ATP11C: variants seen among roughly 807,000 people sequenced by gnomAD.
ATP11C encodes the protein ATPase phospholipid transporting 11C (ATP11C blood group).
A neutral mutation model predicts 97.4 loss-of-function variants in ATP11C; 36 were observed. That is an observed-to-expected ratio of 0.37 (90% CI 0.28 to 0.49). ATP11C has a LOEUF of 0.49. ATP11C is among the 20% of genes least tolerant of loss of function. The pLI is 0.98. For synonymous variants in ATP11C, 275 were observed against 290.9 expected, an observed-to-expected ratio of 0.95 and a Z score of 0.56; for missense variants, 730 against 824.6, an observed-to-expected ratio of 0.89 and a Z score of 1.40.
intron 20 of ATP11C, among the ~76,000 whole-genome samples, chrX:139,766,630 G>A (rs370839893): frequency 7.2e-5 from 8 of 111,384 alleles, no homozygotes; most frequent in South Asian, 7.5e-4. Context: ...GTGTGCGCGC[G>A]CACAGTATAT....
At chrX:139,754,476 T>C (rs1015429626) in intron 23 of ATP11C, among the ~76,000 whole-genome samples, 1 of 112,084 alleles carries the variant, frequency 8.9e-6, no homozygotes, top group Non-Finnish European at 1.9e-5. Context: ...GACTCCTCCC[T>C]AAATCATTCT....
intron 1 of ATP11C, among the ~76,000 whole-genome samples, chrX:139,847,579 T>C (rs980304676): frequency 3.6e-5 from 4 of 110,038 alleles, no homozygotes; most frequent in African/African-American, 1.3e-4. Context: ...GGCTCACGCC[T>C]GTAATCCCAG....
chrX:139,893,532 A>C (rs190050075), intron 1 of ATP11C, among the ~76,000 whole-genome samples: 82 of 112,126 alleles, frequency 7.3e-4, no homozygotes, highest in Non-Finnish European at 1.3e-3. Context: ...TTTTGTGGGA[A>C]AATCAGATTC....
chrX:139,851,064 C>T (rs1206228022), intron 1 of ATP11C, among the ~76,000 whole-genome samples: 1 of 111,935 alleles, frequency 8.9e-6, no homozygotes, highest in Non-Finnish European at 1.9e-5. Flanking sequence ...CAAAAGGAAT[C>T]ACCAAGACAA....
intron 2 of ATP11C, among the ~76,000 whole-genome samples, chrX:139,822,064 T>C (rs901600597): frequency 1.2e-4 from 13 of 109,876 alleles, no homozygotes; most frequent in Non-Finnish European, 2.3e-4. Flanking sequence ...AACAATGTTA[T>C]CTCAAGCATG....
intron 7 of ATP11C, 144 bp from the exon 8 acceptor site, chrX:139,800,254 T>TG (rs1246405842): frequency 2.2e-6 from 1 of 454,557 alleles, no homozygotes; most frequent in Non-Finnish European, 3.8e-6. Context: ...ATTATATTTC[T>TG]GGGGGAAAAA....
At chrX:139,819,119 A>C (rs770123244) in intron 3 of ATP11C, among the ~76,000 whole-genome samples, 1 of 112,422 alleles carries the variant, frequency 8.9e-6, no homozygotes, top group Non-Finnish European at 1.9e-5. Context: ...AGAAAGTAAC[A>C]ATGAAACAAA....
intron 25 of ATP11C, 32 bp downstream of exon 25, chrX:139,745,690 T>A (rs2148639847): frequency 8.4e-7 from 1 of 1,188,608 alleles, no homozygotes; most frequent in East Asian, 3.0e-5. Flanking sequence ...ATGCTTATAA[T>A]ACCAAAAGAT....
chrX:139,874,324 T>C (rs2084431981), intron 1 of ATP11C, among the ~76,000 whole-genome samples: 2 of 106,470 alleles, frequency 1.9e-5, no homozygotes, highest in Admixed American at 1.0e-4. Context: ...ACTCCCAAAG[T>C]GCTAGGATTA....
chrX:139,924,971 C>T (rs867624277), intron 1 of ATP11C, among the ~76,000 whole-genome samples: 10 of 111,294 alleles, frequency 9.0e-5, no homozygotes, highest in African/African-American at 2.9e-4. Flanking sequence ...AAACCTAGGC[C>T]GGTTTTGAGG....
chrX:139,837,360 C>T (rs184572475), intron 1 of ATP11C, among the ~76,000 whole-genome samples: 5 of 111,856 alleles, frequency 4.5e-5, no homozygotes, highest in African/African-American at 1.3e-4. Flanking sequence ...TGAAACAACA[C>T]AGTAGTTGTA....
intron 26 of ATP11C, among the ~76,000 whole-genome samples, chrX:139,741,498 G>T (rs1186020011): frequency 3.6e-5 from 4 of 111,138 alleles, no homozygotes. Context: ...AAGCTGAAAA[G>T]AAGTAGGAGA....
Position 139,790,470 on chromosome X carries a change from A to T in ATP11C, c.1207-982T>A, listed in dbSNP as rs202069444. 1.2e-4 allele frequency among the ~76,000 whole-genome samples: 13 copies of T among 105,768 alleles called. No individual in the cohort carries two copies. In the East Asian group the frequency reaches 2.9e-3, roughly 24 times the overall value. 91.8% of individuals were successfully genotyped at this position (105,768 alleles called of 115,157 possible). A position where few individuals can be genotyped will look rare whatever the true frequency, so the allele number is the denominator to read the frequency against. On this transcript the variant is annotated intron_variant, in intron 12 of 29. Coordinates refer to ENST00000682941, the MANE Select transcript of ATP11C (RefSeq NM_001353812.2). ...TTCTCTCTCTCTCTCTCACTCACAC[A>T]CACACACACACACACACACACACAC...
In ATP11C at chrX:139,750,898, A is replaced by G. The variant is rs2081799309; in HGVS notation, c.2701-746T>C. On this transcript the variant is annotated intron_variant, in intron 23 of 29. Coordinates refer to ENST00000682941, the MANE Select transcript of ATP11C (RefSeq NM_001353812.2). ...TTCCTTTATTGAAAAAATTTAAAGT[A>G]TTCTATGAACCTCATTCTGATGAAA... Among the ~76,000 whole-genome samples the G allele has an allele frequency of 3.6e-5, 4 of 112,008 alleles. No individual in the cohort carries two copies. The South Asian group carries it at 1.5e-3, about 42-fold the overall frequency.
chrX:139,761,930 G>A (rs781256351), intron 22 of ATP11C, 31 bp downstream of exon 22: 4 of 1,034,018 alleles, frequency 3.9e-6, no homozygotes, highest in South Asian at 5.7e-5. Context: ...GGATTAAAAA[G>A]AAATTAAATT....
chrX:139,759,553 T>G (rs2081998983), intron 22 of ATP11C, among the ~76,000 whole-genome samples: 1 of 111,094 alleles, frequency 9.0e-6, no homozygotes, highest in Non-Finnish European at 1.9e-5. Context: ...TTGAATTATG[T>G]AAGGAGGATT....
At chrX:139,777,534 AAAATCTGTAACTTCT>A (rs779327243) in intron 18 of ATP11C, among the ~76,000 whole-genome samples, 15 of 111,322 alleles carry the variant, frequency 1.3e-4, no homozygotes, top group Non-Finnish European at 2.6e-4. Context: ...GTAAAGCAAC[AAAATCTGTAACTTCT>A]TGGCATTTCT....
intron 1 of ATP11C, among the ~76,000 whole-genome samples, chrX:139,906,565 C>T (rs769209936): frequency 1.8e-4 from 20 of 110,260 alleles, no homozygotes; most frequent in Non-Finnish European, 3.2e-4. Context: ...GGGTAGATCA[C>T]GAGGTCAGGA....
At chrX:139,842,032 T>C (rs1163527110) in intron 1 of ATP11C, among the ~76,000 whole-genome samples, 1 of 111,431 alleles carries the variant, frequency 9.0e-6, no homozygotes, top group Non-Finnish European at 1.9e-5. Flanking sequence ...TTTTTTTGTT[T>C]TGTTTTGTTT....
Sources: allele counts gnomAD v4.1 joint callset (sites outside exome capture counted in the v4.1 genomes callset), GRCh38; gene constraint gnomAD v4.1.1; transcripts MANE v1.5; gene names NCBI Gene and HGNC (gene_info 2026-07-23, HGNC 2026-07-21).